KLHDC8A: variants seen among roughly 807,000 people sequenced by gnomAD.
KLHDC8A encodes the protein kelch domain containing 8A.
Under a neutral mutation model 33.1 loss-of-function variants are expected in KLHDC8A, and 21 were observed. That is an observed-to-expected ratio of 0.64 (90% confidence interval 0.45 to 0.91). KLHDC8A has a LOEUF of 0.91. Among genes scored for constraint, KLHDC8A ranks in the 40% least tolerant of loss-of-function variants. The probability of loss-of-function intolerance (pLI) is 0.00; values close to 1 mark genes in which losing one functional copy is unlikely to be tolerated. For synonymous variants in KLHDC8A, 173 were observed against 193.5 expected (o/e 0.89, Z 0.88); for missense variants, 435 against 483.3 (o/e 0.90, Z 0.94).
chr1:205,343,523 C>G lies in KLHDC8A; in HGVS notation c.82G>C (p.Glu28Gln), dbSNP rs201585960. ...PSRRVYCSLLETGGQVYAIGG... is the reference protein window; with the variant it reads ...PSRRVYCSLLQTGGQVYAIGG... ...ATGGCATAGACCTGGCCCCCGGTCT[C>G]CAGCAGGGAGCAGTAGACCCGGCGG... Residue 28 changes from glutamate (E) to glutamine (Q), a missense_variant, in exon 2 of 6, where the codon GAG becomes CAG. Coordinates refer to ENST00000367155, the MANE Select transcript of KLHDC8A (RefSeq NM_018203.3). 221 of 1,613,160 alleles carry G rather than the reference C, an allele frequency of 1.4e-4. No individual in the cohort carries two copies. The highest frequency in any genetic ancestry group is 1.7e-4 in the Non-Finnish European group (206 of 1,179,792).
chr1:205,340,675 G>A (rs555240775), intron 2 of KLHDC8A, among the ~76,000 whole-genome samples: 118 of 151,794 alleles, frequency 7.8e-4, no homozygotes, highest in Non-Finnish European at 1.2e-3. Context: ...GGGTTTCACC[G>A]TGTTGGCCAG....
At chr1:205,338,288 T>C (rs1574904983) in intron 5 of KLHDC8A, among the ~76,000 whole-genome samples, 1 of 152,120 alleles carries the variant, frequency 6.6e-6, no homozygotes, top group Non-Finnish European at 1.5e-5. Flanking sequence ...TTTCCCTGTG[T>C]AGGAGGACAG....
Position 205,350,154 on chromosome 1 carries a change from C to A in KLHDC8A, c.-189-6361G>T, listed in dbSNP as rs533968914. Among the ~76,000 whole-genome samples, 126 of 152,336 alleles carry A rather than the reference C, an allele frequency of 8.3e-4. 1 individual carries two copies. The highest frequency in any genetic ancestry group is 3.0e-3 in the African/African-American group (123 of 41,572). ...ACAAGCGCTGCCAGCTACCCCAGGT[C>A]CAGTCACCAGTGAAGACTTTATCAG... On this transcript the variant is annotated intron_variant, in intron 1 of 5. Coordinates refer to ENST00000367155, the MANE Select transcript of KLHDC8A (RefSeq NM_018203.3).
intron 1 of KLHDC8A, among the ~76,000 whole-genome samples, chr1:205,345,447 T>A (rs1189166814): frequency 6.6e-6 from 1 of 152,074 alleles, no homozygotes; most frequent in East Asian, 1.9e-4. Context: ...AAAGATACAA[T>A]ATAATTCTGG....
chr1:205,354,885 A>T (rs1368239038), intron 1 of KLHDC8A, among the ~76,000 whole-genome samples: 1 of 152,244 alleles, frequency 6.6e-6, no homozygotes. Context: ...TTGTTAAATG[A>T]TTGATTCCTT....
At chr1:205,353,500 G>A (rs1212630139) in intron 1 of KLHDC8A, among the ~76,000 whole-genome samples, 1 of 152,080 alleles carries the variant, frequency 6.6e-6, no homozygotes, top group Non-Finnish European at 1.5e-5. Context: ...CTGTTTTAAG[G>A]GAACAAGGGG....
In KLHDC8A at chr1:205,338,607, T is replaced by C. The variant is rs115255335; in HGVS notation, c.758-11A>G. 1.3e-3 allele frequency: 2,008 copies of C among 1,604,486 alleles called. 19 individuals are homozygous for C. The African/African-American group carries it at 0.024, about 19-fold the overall frequency. On this transcript the variant is annotated splice_polypyrimidine_tract_variant and intron_variant, in intron 4 of 5. Transcript: ENST00000367155. ...TCTTCAGCCATCCCCCTATAGGCCA[T>C]GGATAATGGTGGGTTATATAGACAG...
In KLHDC8A at chr1:205,338,797, T is replaced by C. The variant is rs192884495; in HGVS notation, c.758-201A>G. Among the ~76,000 whole-genome samples, 499 of 152,242 alleles carry C rather than the reference T, an allele frequency of 3.3e-3. 2 individuals carry two copies. Among genetic ancestry groups the C allele is most frequent in the Non-Finnish European group, 3.9e-3 (264 of 68,038 alleles). On this transcript the variant is annotated intron_variant, in intron 4 of 5. Coordinates refer to ENST00000367155, the MANE Select transcript of KLHDC8A (RefSeq NM_018203.3). ...CCCCTCTCCCATGCTTGCTGCTCTG[T>C]AAGGCATCATCATCCCCTACAATGA...
At chr1:205,343,103 T>TG (rs1243571735) in intron 2 of KLHDC8A, 126 bp downstream of exon 2, 2 of 1,347,384 alleles carry the variant, frequency 1.5e-6, no homozygotes, top group East Asian at 4.8e-5. Flanking sequence ...GCTGAACGCA[T>TG]GGGGTCTGCA....
At chr1:205,353,603 G>A (rs1234118741) in intron 1 of KLHDC8A, among the ~76,000 whole-genome samples, 1 of 152,046 alleles carries the variant, frequency 6.6e-6, no homozygotes, top group African/African-American at 2.4e-5. Context: ...TGGCACCATC[G>A]TGGCTCACTG....
chr1:205,351,601 TCAAA>T (rs755127291), intron 1 of KLHDC8A: 32,074 of 254,718 alleles, frequency 0.13, 339 homozygotes, highest in South Asian at 0.18. Context: ...TCTGTAATAG[TCAAA>T]AAAAAAAAAA....
At position 205,337,349 on chromosome 1, in the gene KLHDC8A, TAA is replaced by T; in HGVS notation, c.*48_*49del. 1 of 1,424,586 alleles carries T rather than the reference TAA, an allele frequency of 7.0e-7. No individual in the cohort carries two copies. Among genetic ancestry groups the T allele is most frequent in the Non-Finnish European group, 9.9e-7 (1 of 1,010,334 alleles). The allele number at this position is 1,424,586 out of a possible 1,614,324, so 88.2% of individuals were successfully genotyped here. A position where few individuals can be genotyped will look rare whatever the true frequency, so the allele number is the denominator to read the frequency against. ...GCTTGGACAAGATCATTCCTCATGTTAAGAGTGAAGTGATATGGTCCAGGGCA... is the reference window on the plus strand; with the variant it reads ...GCTTGGACAAGATCATTCCTCATGTTGAGTGAAGTGATATGGTCCAGGGCA... On this transcript the variant is annotated 3_prime_UTR_variant, in exon 6 of 6. Coordinates refer to ENST00000367155, the MANE Select transcript of KLHDC8A (RefSeq NM_018203.3).
At chr1:205,350,299 C>T (rs1038084521) in intron 1 of KLHDC8A, among the ~76,000 whole-genome samples, 1 of 152,152 alleles carries the variant, frequency 6.6e-6, no homozygotes, top group African/African-American at 2.4e-5. Flanking sequence ...CCCTATAGAC[C>T]TTGGGCACCC....
chr1:205,349,209 C>A (rs947323616), intron 1 of KLHDC8A, among the ~76,000 whole-genome samples: 13 of 152,208 alleles, frequency 8.5e-5, no homozygotes, highest in African/African-American at 3.1e-4. Context: ...TGTGGCACTG[C>A]TGCCTTGCAG....
At chr1:205,340,004 C>CT (rs776512752) in intron 2 of KLHDC8A, 196 bp from the exon 3 acceptor site, 84 of 394,988 alleles carry the variant, frequency 2.1e-4, no homozygotes, top group South Asian at 2.4e-4. Context: ...GAGTCTGTTT[C>CT]TTTTTTTTTA....
intron 1 of KLHDC8A, chr1:205,344,314 C>T (rs1458781994): frequency 6.6e-6 from 1 of 152,354 alleles, no homozygotes; most frequent in African/African-American, 2.4e-5. Flanking sequence ...GAAGCGGAGC[C>T]GCCGCCGGGG....
intron 1 of KLHDC8A, 49 bp from the exon 2 acceptor site, chr1:205,343,842 C>G: frequency 2.0e-6 from 1 of 505,534 alleles, no homozygotes; most frequent in East Asian, 3.5e-5. Context: ...CACGCGCCCT[C>G]CGGCGGGCAG....
At chr1:205,355,793 C>A (rs1445396966) in intron 1 of KLHDC8A, among the ~76,000 whole-genome samples, 1 of 152,184 alleles carries the variant, frequency 6.6e-6, no homozygotes, top group East Asian at 1.9e-4. Context: ...ATCCCCATAC[C>A]TGTCTATGTA....
intron 1 of KLHDC8A, among the ~76,000 whole-genome samples, chr1:205,345,935 G>A (rs1662934719): frequency 6.6e-6 from 1 of 152,156 alleles, no homozygotes; most frequent in Non-Finnish European, 1.5e-5. Context: ...TTAGCTGGGT[G>A]CCGTGATGCA....
Sources: gnomAD v4.1 joint callset for allele counts (sites outside exome capture counted in the v4.1 genomes callset) on GRCh38, gnomAD v4.1.1 for gene constraint, MANE v1.5 for transcripts, NCBI Gene and HGNC (gene_info 2026-07-23, HGNC 2026-07-21) for gene names.